NFRKB: variants seen among roughly 807,000 people sequenced by gnomAD.
NFRKB encodes the protein nuclear factor related to kappa-B-binding protein.
NFRKB carries 62 observed loss-of-function variants against 135.7 expected under a neutral mutation model. That is an observed-to-expected ratio of 0.46 (90% CI 0.37 to 0.56). The LOEUF (loss-of-function observed/expected upper bound fraction) is 0.56, where lower values mean the gene tolerates loss of function less well. Ranked by LOEUF, NFRKB falls within the 20% of genes least tolerant of loss-of-function variation. The probability of loss-of-function intolerance (pLI) is 0.00; values close to 1 mark genes in which losing one functional copy is unlikely to be tolerated. For synonymous variants in NFRKB, 678 were observed against 635.6 expected, an observed-to-expected ratio of 1.07 and a Z score of -1.00; for missense variants, 1,545 against 1,662.0, an observed-to-expected ratio of 0.93 and a Z score of 1.22.
At chr11:129,877,017 T>C (rs537918036) in intron 16 of NFRKB, 122 bp from the exon 17 acceptor site, 8 of 1,027,996 alleles carry the variant, frequency 7.8e-6, no homozygotes, top group Non-Finnish European at 9.9e-6. Context: ...AGTGATTCTA[T>C]GATTCTAGTA....
At chr11:129,890,928 TA>T (rs917285632) in intron 3 of NFRKB, among the ~76,000 whole-genome samples, 12 of 152,276 alleles carry the variant, frequency 7.9e-5, no homozygotes, top group Admixed American at 2.6e-4. Context: ...ATATACCTTT[TA>T]AAAATGTTTA....
Position 129,885,454 on chromosome 11 carries a change from G to A in NFRKB, c.621C>T (p.Ala207=), listed in dbSNP as rs138688099. ...REVKEECGDT[A]LSSDEEDLSS... ...ACTCACCCTCTTCATCAGATGACAG[G>A]GCTGTGTCACCACACTCCTCTTTCA... Residue 207 remains alanine (A), a synonymous_variant, in exon 6 of 27, where the codon GCC becomes GCT. Transcript: ENST00000682444. 3.3e-5 allele frequency: 54 copies of A among 1,612,224 alleles called. No homozygotes were observed. In the African/African-American group the frequency reaches 6.1e-4, roughly 18 times the overall value.
chr11:129,876,974 A>G, intron 16 of NFRKB, 79 bp from the exon 17 acceptor site: 1 of 1,317,084 alleles, frequency 7.6e-7, no homozygotes, highest in East Asian at 2.3e-5. Context: ...ATATAAGCAG[A>G]TCCACATGGA....
intron 3 of NFRKB, among the ~76,000 whole-genome samples, chr11:129,890,992 A>G (rs1191229771): frequency 3.3e-5 from 5 of 152,264 alleles, no homozygotes; most frequent in African/African-American, 7.2e-5. Flanking sequence ...ATAACAATGT[A>G]TAACATTTAT....
Position 129,887,256 on chromosome 11 carries a change from A to C in NFRKB, c.338-812T>G, listed in dbSNP as rs545231528. Among the ~76,000 whole-genome samples, 5 of 152,344 alleles carry C rather than the reference A, an allele frequency of 3.3e-5. No homozygotes were observed. The South Asian group carries it at 1.0e-3, about 32-fold the overall frequency. On this transcript the variant is annotated intron_variant, in intron 4 of 26. Transcript: ENST00000682444. ...GTTGAGAATCACCCATGGAAGCAGA[A>C]ACTACTGGGTAAGACAAAGGCTTTT...
chr11:129,872,581 C>A, intron 23 of NFRKB: 1 of 229,670 alleles, frequency 4.4e-6, no homozygotes. Flanking sequence ...ACTGAGAAGC[C>A]AATAAAATGT....
At chr11:129,868,648 G>T (rs558491953) in intron 24 of NFRKB, among the ~76,000 whole-genome samples, 165 of 152,314 alleles carry the variant, frequency 1.1e-3, no homozygotes, top group Non-Finnish European at 2.1e-3. Context: ...CTTTAGCAGA[G>T]CCCCTTCTAC....
At chr11:129,866,512 G>A (rs1205532954) in intron 24 of NFRKB, among the ~76,000 whole-genome samples, 2 of 151,642 alleles carry the variant, frequency 1.3e-5, no homozygotes, top group Admixed American at 1.3e-4. Context: ...ATTAGGGAGA[G>A]GCCATGCTCT....
At chr11:129,878,284 C>A (rs374919470) in intron 15 of NFRKB, 25 bp downstream of exon 15, 12 of 1,611,464 alleles carry the variant, frequency 7.4e-6, no homozygotes, top group Non-Finnish European at 8.5e-7. Context: ...CAGGACACCA[C>A]CCACCACTAC....
chr11:129,892,621 C>G, intron 3 of NFRKB, 94 bp downstream of exon 3: 2 of 1,357,862 alleles, frequency 1.5e-6, no homozygotes, highest in Non-Finnish European at 2.0e-6. Context: ...AAAGGGAGCA[C>G]AAAAGACTGG....
chr11:129,888,667 G>T lies in NFRKB; in HGVS notation c.264C>A (p.Leu88=), dbSNP rs888128345. Reference sequence around the variant, plus strand: ...TCTCCCCACTGAACAAGGCTAAGATGAGTTCATTCTGCTGCTCAGCACTGT... The same window carrying T: ...TCTCCCCACTGAACAAGGCTAAGATTAGTTCATTCTGCTGCTCAGCACTGT... ...PEDSAEQQNE[L]ILALFSGENF... is the part of the protein sequence containing the mutation. Residue 88 remains leucine (L), a synonymous_variant, in exon 4 of 27, where the codon CTC becomes CTA. Coordinates refer to ENST00000682444, the MANE Select transcript of NFRKB (RefSeq NM_001143835.2). 7.4e-6 allele frequency: 12 copies of T among 1,614,190 alleles called. No individual in the cohort carries two copies. Among genetic ancestry groups the T allele is most frequent in the Non-Finnish European group, 9.3e-6 (11 of 1,180,032 alleles).
rs765680547 is a variant in NFRKB at position 129,874,083 on chromosome 11, C to T, written c.2279+30G>A. On this transcript the variant is annotated intron_variant, in intron 21 of 26. Transcript: ENST00000682444. The surrounding 1 kb of genome is among the most constrained non-coding windows in gnomAD (Gnocchi z 4.5). ...ACATGCATACAAAAGAACTCTAGAA[C>T]GAAAAAGCTGAAGAAAAGGAGGAAC... 174 of 1,574,282 alleles carry T rather than the reference C, an allele frequency of 1.1e-4. No individual in the cohort carries two copies. The highest frequency in any genetic ancestry group is 1.4e-4 in the Non-Finnish European group (167 of 1,159,008).
At chr11:129,869,166 G>A (rs1948366920) in intron 24 of NFRKB, among the ~76,000 whole-genome samples, 1 of 152,224 alleles carries the variant, frequency 6.6e-6, no homozygotes, top group East Asian at 1.9e-4. Flanking sequence ...TAGTCTTCAT[G>A]AAGGGAGAAC....
At chr11:129,888,040 G>A (rs1326796248) in intron 4 of NFRKB, among the ~76,000 whole-genome samples, 1 of 152,062 alleles carries the variant, frequency 6.6e-6, no homozygotes, top group African/African-American at 2.4e-5. Flanking sequence ...CTGTCCCAAA[G>A]AAAAGAAAAG....
chr11:129,890,030 T>G lies in NFRKB; in HGVS notation c.136-1235A>C, dbSNP rs550698422. Among the ~76,000 whole-genome samples, 240 of 30,426 alleles carry G rather than the reference T, an allele frequency of 7.9e-3. 7 individuals carry two copies. The South Asian group carries it at 0.12, about 15-fold the overall frequency. 20.0% of individuals were successfully genotyped at this position (30,426 alleles called of 152,430 possible). On this transcript the variant is annotated intron_variant, in intron 3 of 26. Coordinates refer to ENST00000682444, the MANE Select transcript of NFRKB (RefSeq NM_001143835.2). ...GTGTGATACTTTTTGGGTTTTTTTG[T>G]TTTTTTTTTTTGTTTTTTTAGAGTT...
Position 129,884,797 on chromosome 11 carries a change from C to A in NFRKB, c.690G>T (p.Ala230=). The A allele has an allele frequency of 6.2e-7, 1 of 1,614,138 alleles. No homozygotes were observed. The highest frequency in any genetic ancestry group is 1.3e-5 in the African/African-American group (1 of 75,044). ...PSSPARSPSP[A]VPLRVVPTLS... Reference sequence around the variant, plus strand: ...GTGTGGGCACCACCCGCAGGGGCACCGCAGGACTAGGAGAACGTGCTGGAG... The same window carrying A: ...GTGTGGGCACCACCCGCAGGGGCACAGCAGGACTAGGAGAACGTGCTGGAG... The change falls in exon 7 of 27, where the codon GCG becomes GCT. Residue 230 remains alanine (A), a synonymous_variant. Coordinates refer to ENST00000682444, the MANE Select transcript of NFRKB (RefSeq NM_001143835.2).
At chr11:129,882,316 T>C in intron 10 of NFRKB, 122 bp from the exon 11 acceptor site, 1 of 1,348,190 alleles carries the variant, frequency 7.4e-7, no homozygotes, top group East Asian at 2.3e-5. Flanking sequence ...CAATATATTT[T>C]CCCAGCAGTA....
At chr11:129,893,718 T>C (rs1305472132) in intron 2 of NFRKB, among the ~76,000 whole-genome samples, 1 of 152,220 alleles carries the variant, frequency 6.6e-6, no homozygotes, top group Non-Finnish European at 1.5e-5. Flanking sequence ...TCTCATTTAA[T>C]TCCTACAACT....
At position 129,888,635 on chromosome 11, in the gene NFRKB, C is replaced by A. The variant is rs749164897; in HGVS notation, c.296G>T (p.Arg99Leu). The change falls in exon 4 of 27, where the codon CGC becomes CTC. Residue 99 changes from arginine to leucine, a missense_variant. Physicochemically the swap from Arg to Leu is moderately radical, Grantham distance 102. Coordinates refer to ENST00000682444, the MANE Select transcript of NFRKB (RefSeq NM_001143835.2). ...GGCAATGTGCAGAGGGTTTCCAAAG[C>A]GGAAGTTCTCCCCACTGAACAAGGC... ...ILALFSGENFRFGNPLHIAQK... is the reference protein window; with the variant it reads ...ILALFSGENFLFGNPLHIAQK... The A allele has an allele frequency of 1.9e-6, 3 of 1,614,048 alleles. No individual in the cohort carries two copies. The Admixed American group carries it at 5.0e-5, about 27-fold the overall frequency.
Sources: gnomAD v4.1 joint callset for allele counts (sites outside exome capture counted in the v4.1 genomes callset) on GRCh38, gnomAD v4.1.1 for gene constraint, Gnocchi (gnomAD v3.1) non-coding constraint, MANE v1.5 for transcripts, NCBI Gene and HGNC (gene_info 2026-07-23, HGNC 2026-07-21) for gene names.